Variants in CDKAL1 observed in about 807,000 individuals in gnomAD.
CDKAL1 encodes CDKAL1 threonylcarbamoyladenosine tRNA methylthiotransferase.
CDKAL1 carries 32 observed loss-of-function variants against 68.2 expected under a neutral mutation model. The observed-to-expected ratio is 0.47, with a 90% CI of 0.35 to 0.63. The LOEUF is 0.63. CDKAL1 is among the 30% of genes least tolerant of loss of function. The pLI is 0.00. For missense variants in CDKAL1, 606 were observed against 696.7 expected, an observed-to-expected ratio of 0.87 and a Z score of 1.47; for synonymous variants, 234 against 244.3, an observed-to-expected ratio of 0.96 and a Z score of 0.39.
intron 4 of CDKAL1, among the ~76,000 whole-genome samples, chr6:20,554,124 T>C (rs893423868): frequency 6.6e-6 from 1 of 152,262 alleles, no homozygotes. Flanking sequence ...GGCCAACTTT[T>C]AAATAAACTA....
chr6:21,063,229 G>T (rs1771242040), intron 11 of CDKAL1, among the ~76,000 whole-genome samples: 1 of 152,150 alleles, frequency 6.6e-6, no homozygotes, highest in Non-Finnish European at 1.5e-5. Context: ...CTGTTTAAAT[G>T]ATAGGAAAGT....
At chr6:20,962,163 T>A (rs1765089706) in intron 10 of CDKAL1, among the ~76,000 whole-genome samples, 1 of 152,246 alleles carries the variant, frequency 6.6e-6, no homozygotes, top group African/African-American at 2.4e-5. Flanking sequence ...CTTTGTAAAA[T>A]ATTGCCAAAC....
At chr6:20,816,778 A>T (rs1415523685) in intron 8 of CDKAL1, among the ~76,000 whole-genome samples, 3 of 152,104 alleles carry the variant, frequency 2.0e-5, no homozygotes, top group African/African-American at 7.2e-5. Flanking sequence ...TGGTCCTTAT[A>T]TAAGCTAGAA....
Position 21,014,726 on chromosome 6 carries a change from C to T in CDKAL1, c.1055+14354C>T, listed in dbSNP as rs1006627938. On this transcript the variant is annotated intron_variant, in intron 11 of 15. Transcript: ENST00000274695. ...ATTATGTTCTCTTGAGCATCAATACCGAATTTTGCACCTGGCTCAATATTT... is the reference window on the plus strand; with the variant it reads ...ATTATGTTCTCTTGAGCATCAATACTGAATTTTGCACCTGGCTCAATATTT... Among the ~76,000 whole-genome samples, 25 of 151,932 alleles carry T rather than the reference C, an allele frequency of 1.6e-4. 1 individual carries two copies. The highest frequency in any genetic ancestry group is 6.6e-5 in the Admixed American group (1 of 15,264).
chr6:20,901,396 C>T (rs938441170), intron 9 of CDKAL1, among the ~76,000 whole-genome samples: 2 of 151,810 alleles, frequency 1.3e-5, no homozygotes, highest in Non-Finnish European at 2.9e-5. Flanking sequence ...CTTTAGAGGC[C>T]AGGCGCTGTG....
intron 8 of CDKAL1, among the ~76,000 whole-genome samples, chr6:20,832,769 TG>T (rs1226784615): frequency 2.0e-5 from 3 of 152,236 alleles, no homozygotes; most frequent in Non-Finnish European, 2.9e-5. Context: ...TTTATTTAGA[TG>T]TATAAATTTC....
chr6:21,146,038 T>C (rs78823028), intron 13 of CDKAL1, among the ~76,000 whole-genome samples: 1,598 of 152,336 alleles, frequency 0.01, 22 homozygotes, highest in African/African-American at 0.028. Flanking sequence ...AATTAATTCA[T>C]GTGAAAACTG....
chr6:20,978,601 C>T (rs150772314), intron 10 of CDKAL1, among the ~76,000 whole-genome samples: 30 of 152,232 alleles, frequency 2.0e-4, no homozygotes, highest in East Asian at 1.7e-3. Context: ...ATGCTATAAA[C>T]GAGCTATATT....
chr6:20,980,192 G>GATATAGAT (rs149713540), intron 10 of CDKAL1, among the ~76,000 whole-genome samples: 3 of 148,988 alleles, frequency 2.0e-5, no homozygotes, highest in East Asian at 2.0e-4. Flanking sequence ...TCCAAAGATA[G>GATATAGAT]ATAGATATAG....
chr6:20,837,025 C>A (rs958249993), intron 8 of CDKAL1, among the ~76,000 whole-genome samples: 3 of 152,102 alleles, frequency 2.0e-5, no homozygotes, highest in African/African-American at 7.2e-5. Flanking sequence ...CAAAGATGGG[C>A]AGTTGAATTT....
chr6:20,724,255 A>C (rs1203460950), intron 5 of CDKAL1, among the ~76,000 whole-genome samples: 4 of 151,788 alleles, frequency 2.6e-5, no homozygotes, highest in Non-Finnish European at 5.9e-5. Flanking sequence ...TATTATTTTG[A>C]ATAACAAAGG....
chr6:20,727,945 G>A (rs1268334010), intron 5 of CDKAL1, among the ~76,000 whole-genome samples: 2 of 152,036 alleles, frequency 1.3e-5, no homozygotes, highest in East Asian at 1.9e-4. Flanking sequence ...TAATTTCAAG[G>A]CAGTTTTATA....
At chr6:20,850,648 G>T (rs915795093) in intron 9 of CDKAL1, among the ~76,000 whole-genome samples, 7 of 151,942 alleles carry the variant, frequency 4.6e-5, no homozygotes, top group African/African-American at 1.7e-4. Context: ...ATGTTTCCCA[G>T]GCTGGTCTTG....
At chr6:20,582,429 G>A (rs1299745613) in intron 4 of CDKAL1, among the ~76,000 whole-genome samples, 1 of 152,146 alleles carries the variant, frequency 6.6e-6, no homozygotes, top group Non-Finnish European at 1.5e-5. Context: ...CATTATATGA[G>A]ATAATTTTCA....
chr6:21,097,494 A>G (rs1378726283), intron 12 of CDKAL1, among the ~76,000 whole-genome samples: 1 of 141,214 alleles, frequency 7.1e-6, no homozygotes, highest in African/African-American at 2.7e-5. Context: ...AAACAAATAC[A>G]AAAAAAAAAA....
intron 10 of CDKAL1, among the ~76,000 whole-genome samples, chr6:20,965,568 CAT>C (rs1382673392): frequency 2.0e-5 from 3 of 152,114 alleles, no homozygotes; most frequent in Non-Finnish European, 4.4e-5. Flanking sequence ...ACTTGAAAAA[CAT>C]AAAAATTTAC....
At chr6:20,821,900 C>T (rs9465905) in intron 8 of CDKAL1, among the ~76,000 whole-genome samples, 45,076 of 152,126 alleles carry the variant, frequency 0.3, 7,086 homozygotes, top group East Asian at 0.53. Flanking sequence ...ACATTTTACT[C>T]TTTCATGGGA....
intron 4 of CDKAL1, among the ~76,000 whole-genome samples, chr6:20,609,984 T>C (rs1314200260): frequency 2.6e-5 from 4 of 152,132 alleles, no homozygotes; most frequent in African/African-American, 9.7e-5. Flanking sequence ...TATGTGTCCA[T>C]GTGTTCTCAT....
intron 15 of CDKAL1, among the ~76,000 whole-genome samples, chr6:21,211,322 G>C (rs1376216095): frequency 6.6e-6 from 1 of 152,188 alleles, no homozygotes. Flanking sequence ...AAGTCAAATA[G>C]GATTTATACC....
Sources: gnomAD v4.1 joint callset for allele counts (sites outside exome capture counted in the v4.1 genomes callset) on GRCh38, gnomAD v4.1.1 for gene constraint, MANE v1.5 for transcripts, NCBI Gene and HGNC (gene_info 2026-07-23, HGNC 2026-07-21) for gene names.